FSTL5: variants seen among roughly 807,000 people sequenced by gnomAD.
The protein encoded by FSTL5 is follistatin-related protein 5.
Under a neutral mutation model 89.1 loss-of-function variants are expected in FSTL5, and 62 were observed. The observed-to-expected ratio is 0.70, with a 90% CI of 0.57 to 0.86. The LOEUF (loss-of-function observed/expected upper bound fraction) is 0.86. Ranked by LOEUF, FSTL5 falls within the 40% of genes least tolerant of loss-of-function variation. The pLI, the probability that FSTL5 is intolerant of heterozygous loss-of-function variation, is 0.00. For synonymous variants in FSTL5, 383 were observed against 346.2 expected, an observed-to-expected ratio of 1.11 and a Z score of -1.18; for missense variants, 1,057 against 1,001.6, an observed-to-expected ratio of 1.06 and a Z score of -0.75.
At chr4:161,829,249 G>C (rs1730767276) in intron 4 of FSTL5, among the ~76,000 whole-genome samples, 1 of 148,154 alleles carries the variant, frequency 6.7e-6, no homozygotes, top group African/African-American at 2.5e-5. Context: ...ATATGATCTG[G>C]TATTCCAGAG....
intron 7 of FSTL5, among the ~76,000 whole-genome samples, chr4:161,641,320 C>T (rs1735949923): frequency 6.6e-6 from 1 of 152,106 alleles, no homozygotes; most frequent in Non-Finnish European, 1.5e-5. Context: ...ATTTCGTTTT[C>T]CATATAACTT....
At chr4:161,967,754 A>C (rs753557674) in intron 3 of FSTL5, among the ~76,000 whole-genome samples, 36 of 151,966 alleles carry the variant, frequency 2.4e-4, no homozygotes, top group Non-Finnish European at 4.7e-4. Flanking sequence ...AGTAGGTTTA[A>C]AGAGCTTTCT....
intron 3 of FSTL5, among the ~76,000 whole-genome samples, chr4:161,999,970 G>T (rs748283987): frequency 2.0e-5 from 3 of 152,158 alleles, no homozygotes; most frequent in Non-Finnish European, 2.9e-5. Flanking sequence ...AATTCTACAG[G>T]TATCATATAA....
intron 2 of FSTL5, chr4:162,035,465 G>A (rs1241345114): frequency 6.6e-6 from 1 of 151,970 alleles, no homozygotes; most frequent in Non-Finnish European, 1.5e-5. Flanking sequence ...ATTTCAAATT[G>A]TCCTGAGTTA....
intron 13 of FSTL5, among the ~76,000 whole-genome samples, chr4:161,477,941 G>T (rs1207635352): frequency 6.6e-6 from 1 of 152,008 alleles, no homozygotes; most frequent in Non-Finnish European, 1.5e-5. Flanking sequence ...GGAATGTATA[G>T]AAATTCACTA....
chr4:161,629,749 A>G (rs1174468923), intron 7 of FSTL5, among the ~76,000 whole-genome samples: 4 of 152,166 alleles, frequency 2.6e-5, no homozygotes. Context: ...GTTCACACCA[A>G]AATTATTATC....
At chr4:161,626,122 C>T (rs1312826917) in intron 7 of FSTL5, among the ~76,000 whole-genome samples, 1 of 152,080 alleles carries the variant, frequency 6.6e-6, no homozygotes, top group Non-Finnish European at 1.5e-5. Context: ...TCCAGAAGAG[C>T]TAGCTAAGAT....
chr4:161,811,490 C>T (rs1313386580), intron 4 of FSTL5, among the ~76,000 whole-genome samples: 1 of 151,900 alleles, frequency 6.6e-6, no homozygotes, highest in Non-Finnish European at 1.5e-5. Flanking sequence ...CCTCACTAAC[C>T]TTTCACTGAA....
At chr4:161,592,430 C>T (rs535788329) in intron 7 of FSTL5, among the ~76,000 whole-genome samples, 1 of 152,064 alleles carries the variant, frequency 6.6e-6, no homozygotes, top group Admixed American at 6.6e-5. Context: ...CCCCTAGCCC[C>T]CCACCCCTGA....
At chr4:161,990,943 T>A (rs554463799) in intron 3 of FSTL5, among the ~76,000 whole-genome samples, 28 of 152,112 alleles carry the variant, frequency 1.8e-4, no homozygotes, top group Non-Finnish European at 3.5e-4. Context: ...ACCTGAAGAT[T>A]AAAACACAGC....
At chr4:162,099,931 GA>G (rs34223130) in intron 2 of FSTL5, among the ~76,000 whole-genome samples, 4,887 of 152,270 alleles carry the variant, frequency 0.032, 249 homozygotes, top group African/African-American at 0.11. Context: ...TGCTGGTGAG[GA>G]TAGTGGAGCA....
At chr4:161,550,107 G>C (rs977339982) in intron 8 of FSTL5, among the ~76,000 whole-genome samples, 2 of 151,834 alleles carry the variant, frequency 1.3e-5, no homozygotes, top group African/African-American at 4.8e-5. Context: ...GCAGGGGAGG[G>C]TGTCCTCAGA....
chr4:161,695,021 A>T (rs1405321274), intron 6 of FSTL5, among the ~76,000 whole-genome samples: 1 of 151,918 alleles, frequency 6.6e-6, no homozygotes, highest in Non-Finnish European at 1.5e-5. Context: ...TTCTTTTTTT[A>T]AATTTAATCA....
intron 3 of FSTL5, among the ~76,000 whole-genome samples, chr4:161,945,948 TATTATA>T (rs1294367730): frequency 1.3e-5 from 2 of 152,166 alleles, no homozygotes; most frequent in African/African-American, 2.4e-5. Flanking sequence ...AAAACTTTCT[TATTATA>T]ATTATAATTT....
chr4:161,457,320 C>T (rs946014712), intron 14 of FSTL5, among the ~76,000 whole-genome samples: 2 of 152,042 alleles, frequency 1.3e-5, no homozygotes, highest in Non-Finnish European at 2.9e-5. Context: ...TTTATATTTT[C>T]ACTTGTGACA....
At position 161,700,217 on chromosome 4, in the gene FSTL5, C is replaced by T. The variant is rs146176574; in HGVS notation, c.728-43723G>A. 4.1e-3 allele frequency among the ~76,000 whole-genome samples: 625 copies of T among 152,216 alleles called. 3 individuals carry two copies. Among genetic ancestry groups the T allele is most frequent in the African/African-American group, 0.014 (596 of 41,530 alleles). On this transcript the variant is annotated intron_variant, in intron 6 of 15. Coordinates refer to ENST00000306100, the MANE Select transcript of FSTL5 (RefSeq NM_020116.5). ...GTGGTCTATACTTATGCTCATTCTA[C>T]CATAAAGAAACTATGGCACAGAGAG...
intron 4 of FSTL5, among the ~76,000 whole-genome samples, chr4:161,878,402 T>G (rs1732517464): frequency 6.6e-6 from 1 of 152,182 alleles, no homozygotes; most frequent in Admixed American, 6.5e-5. Flanking sequence ...TGTTGGGAAT[T>G]ATTTTTACTT....
chr4:161,417,504 T>C (rs1314000223), intron 15 of FSTL5, among the ~76,000 whole-genome samples: 2 of 152,240 alleles, frequency 1.3e-5, no homozygotes, highest in Non-Finnish European at 2.9e-5. Context: ...TTTCATAGTG[T>C]GCTGTTTAAA....
chr4:162,148,185 T>C (rs542633911), intron 1 of FSTL5, among the ~76,000 whole-genome samples: 35 of 152,282 alleles, frequency 2.3e-4, no homozygotes, highest in African/African-American at 8.2e-4. Context: ...TATATTAACA[T>C]TGAAGCTATT....
Sources: allele counts gnomAD v4.1 joint callset (sites outside exome capture counted in the v4.1 genomes callset), GRCh38; gene constraint gnomAD v4.1.1; transcripts MANE v1.5; gene names NCBI Gene and HGNC (gene_info 2026-07-23, HGNC 2026-07-21).